Variants in COL19A1 observed in about 807,000 individuals in gnomAD.
COL19A1 encodes the protein collagen alpha-1(XIX) chain.
Under a neutral mutation model 190.2 loss-of-function variants are expected in COL19A1, and 159 were observed. The ratio of observed to expected loss-of-function variants is 0.84; its 90% CI spans 0.73 to 0.95. COL19A1 has a LOEUF of 0.95. COL19A1 is among the 40% of genes least tolerant of loss of function. The probability of loss-of-function intolerance (pLI) is 0.00; values close to 1 mark genes in which losing one functional copy is unlikely to be tolerated. For missense variants in COL19A1, 1,418 were observed against 1,431.9 expected, an observed-to-expected ratio of 0.99 and a Z score of 0.16; for synonymous variants, 509 against 458.9, an observed-to-expected ratio of 1.11 and a Z score of -1.39.
At chr6:70,188,769 T>C (rs532033215) in intron 47 of COL19A1, among the ~76,000 whole-genome samples, 1 of 152,314 alleles carries the variant, frequency 6.6e-6, no homozygotes, top group South Asian at 2.1e-4. Context: ...AGGAAGCCCA[T>C]ATCTTTATTA....
At chr6:70,034,928 G>A (rs180938909) in intron 13 of COL19A1, among the ~76,000 whole-genome samples, 71 of 152,210 alleles carry the variant, frequency 4.7e-4, no homozygotes, top group African/African-American at 1.6e-3. Context: ...TGTGTTAAAG[G>A]TGATCCTGCA....
In COL19A1 at chr6:70,207,414, C is replaced by T; in HGVS notation, c.*140C>T. ...GGAGTAAGCCAGGCATTAAAAGCAACCGTTTGAATCCTATTCCTATAGCAA... is the reference window on the plus strand; with the variant it reads ...GGAGTAAGCCAGGCATTAAAAGCAATCGTTTGAATCCTATTCCTATAGCAA... On this transcript the variant is annotated 3_prime_UTR_variant, in exon 51 of 51. Transcript: ENST00000620364. 1 of 744,360 alleles carries T rather than the reference C, an allele frequency of 1.3e-6. No homozygotes were observed. Among genetic ancestry groups the T allele is most frequent in the Non-Finnish European group, 1.9e-6 (1 of 521,652 alleles). The allele number at this position is 744,360 out of a possible 1,614,324, so 46.1% of individuals were successfully genotyped here.
chr6:70,044,634 G>T (rs186516634), intron 14 of COL19A1, among the ~76,000 whole-genome samples: 11 of 152,336 alleles, frequency 7.2e-5, no homozygotes, highest in Middle Eastern at 3.4e-3. Context: ...TAGAGGGAGA[G>T]AGACAGAGAA....
At chr6:70,074,197 A>G (rs59506144) in intron 15 of COL19A1, among the ~76,000 whole-genome samples, 1 of 151,908 alleles carries the variant, frequency 6.6e-6, no homozygotes, top group Non-Finnish European at 1.5e-5. Context: ...TAAAGTAAAA[A>G]AATAATAATA....
chr6:69,899,433 G>T (rs1007792543), intron 3 of COL19A1, among the ~76,000 whole-genome samples: 2 of 152,064 alleles, frequency 1.3e-5, no homozygotes, highest in South Asian at 2.1e-4. Context: ...GATTGCAGGC[G>T]TGAGCCACCA....
chr6:69,910,023 C>T (rs1400779736), intron 4 of COL19A1, among the ~76,000 whole-genome samples: 1 of 152,002 alleles, frequency 6.6e-6, no homozygotes, highest in Non-Finnish European at 1.5e-5. Flanking sequence ...GTGTTTAGTG[C>T]TAGTTGAATT....
intron 14 of COL19A1, among the ~76,000 whole-genome samples, chr6:70,039,937 T>G (rs1166212647): frequency 6.6e-6 from 1 of 151,812 alleles, no homozygotes; most frequent in Non-Finnish European, 1.5e-5. Context: ...TAATTTTTTT[T>G]TTTTTTTTAA....
chr6:69,913,539 C>T (rs1402639089), intron 4 of COL19A1, among the ~76,000 whole-genome samples: 1 of 152,074 alleles, frequency 6.6e-6, no homozygotes, highest in African/African-American at 2.4e-5. Context: ...GTGAATTTAC[C>T]AGGTGAGCCA....
chr6:70,148,582 T>C (rs1291111648), intron 27 of COL19A1, among the ~76,000 whole-genome samples: 2 of 152,178 alleles, frequency 1.3e-5, no homozygotes, highest in African/African-American at 2.4e-5. Flanking sequence ...AGGGCAAGAA[T>C]GTAAAAGAAC....
At chr6:69,975,245 CAT>C (rs1401294992) in intron 11 of COL19A1, among the ~76,000 whole-genome samples, 21 of 152,206 alleles carry the variant, frequency 1.4e-4, no homozygotes, top group Non-Finnish European at 2.9e-5. Context: ...TTGTCTTCCT[CAT>C]AACCTTCATC....
At chr6:70,145,088 G>T (rs1334222397) in intron 25 of COL19A1, 81 bp downstream of exon 25, 1 of 1,034,518 alleles carries the variant, frequency 9.7e-7, no homozygotes, top group East Asian at 2.6e-5. Flanking sequence ...CAGATCACAA[G>T]TATGGGAATA....
At position 70,079,208 on chromosome 6, in the gene COL19A1, A is replaced by T. The variant is rs116960594; in HGVS notation, c.1224+10732A>T. The stretch of plus-strand genomic sequence containing the variant: ...GCAAAGGACTTAAGTTTCAGAAGTG[A>T]TTGCTGACGTATCAAGTCTGAAATG... On this transcript the variant is annotated intron_variant, in intron 15 of 50. Transcript: ENST00000620364. Among the ~76,000 whole-genome samples, 33 of 152,374 alleles carry T rather than the reference A, an allele frequency of 2.2e-4. No homozygotes were observed. The East Asian group carries it at 6.4e-3, about 29-fold the overall frequency.
At chr6:70,106,596 A>G (rs936280817) in intron 16 of COL19A1, among the ~76,000 whole-genome samples, 3 of 152,228 alleles carry the variant, frequency 2.0e-5, no homozygotes, top group Admixed American at 6.5e-5. Flanking sequence ...CAATATGCAT[A>G]TAATGAAACT....
At chr6:70,200,372 C>G (rs1242496213) in intron 49 of COL19A1, among the ~76,000 whole-genome samples, 1 of 152,156 alleles carries the variant, frequency 6.6e-6, no homozygotes, top group African/African-American at 2.4e-5. Flanking sequence ...CTAAATTAAT[C>G]TGACAAGGCC....
chr6:70,047,518 T>C (rs945148166), intron 14 of COL19A1, among the ~76,000 whole-genome samples: 2 of 152,222 alleles, frequency 1.3e-5, no homozygotes, highest in South Asian at 2.1e-4. Context: ...ATTTGAAAAA[T>C]TGCATTTTAT....
At chr6:70,193,414 G>A (rs1767002012) in intron 48 of COL19A1, among the ~76,000 whole-genome samples, 1 of 152,124 alleles carries the variant, frequency 6.6e-6, no homozygotes, top group Non-Finnish European at 1.5e-5. Flanking sequence ...TCCTCTCTGA[G>A]TTCCTGCCCC....
rs1367832481 is a variant in COL19A1, at chr6:70,184,890, G to A, written c.2831G>A (p.Gly944Glu). The change falls in exon 46 of 51, where the codon GGA (glycine) becomes GAA (glutamate). Residue 944 changes from glycine to glutamate, a missense_variant. Physicochemically the swap from Gly to Glu is moderately conservative, Grantham distance 98 (BLOSUM62 -2). Transcript: ENST00000620364. ...PGAQGIMGKP[G>E]DRGPKGERGD... ...TTTCAGGGCATCATGGGTAAGCCTG[G>A]AGACAGAGGCCCCAAAGGAGAACGT... 6.2e-7 allele frequency: 1 copy of A among 1,613,130 alleles called. No individual in the cohort carries two copies. Among genetic ancestry groups the A allele is most frequent in the Non-Finnish European group, 8.5e-7 (1 of 1,179,632 alleles).
chr6:70,184,880 G>T lies in COL19A1; in HGVS notation c.2821G>T (p.Gly941Cys). 1 of 1,613,200 alleles carries T rather than the reference G, an allele frequency of 6.2e-7. No homozygotes were observed. Among genetic ancestry groups the T allele is most frequent in the South Asian group, 1.1e-5 (1 of 90,950 alleles). Residue 941 changes from glycine (G) to cysteine (C), a missense_variant, in exon 46 of 51, where the codon GGT becomes TGT. Transcript: ENST00000620364. ...GACATCTGTTTTTCAGGGCATCATG[G>T]GTAAGCCTGGAGACAGAGGCCCCAA... ...DGIPGAQGIM[G>C]KPGDRGPKGE...
Position 70,172,011 on chromosome 6 carries a change from T to G in COL19A1, c.2616T>G (p.Gly872=). 1 of 1,611,030 alleles carries G rather than the reference T, an allele frequency of 6.2e-7. No individual in the cohort carries two copies. The highest frequency in any genetic ancestry group is 8.5e-7 in the Non-Finnish European group (1 of 1,179,086). The change falls in exon 41 of 51, where the codon GGT becomes GGG. Residue 872 remains glycine (G), a synonymous_variant. Transcript: ENST00000620364. ...TGCCAGGATTAGAAGGATTTCCAGGTGTAAAGGTAAGCACAGAAGTTAGAA... is the reference window on the plus strand; with the variant it reads ...TGCCAGGATTAGAAGGATTTCCAGGGGTAAAGGTAAGCACAGAAGTTAGAA... The part of the protein sequence containing the change: ...MGLPGLEGFP[G]VKGDRGPAGP...
Sources: allele counts gnomAD v4.1 joint callset (sites outside exome capture counted in the v4.1 genomes callset), GRCh38; gene constraint gnomAD v4.1.1; transcripts MANE v1.5; gene names NCBI Gene and HGNC (gene_info 2026-07-23, HGNC 2026-07-21).